The following ARSB variants were observed in gnomAD, a reference collection of about 807,000 sequenced individuals.
The protein encoded by ARSB is N-acetylgalactosamine-4-sulfatase.
ARSB carries 41 observed loss-of-function variants against 50.9 expected under a neutral mutation model. The observed-to-expected ratio is 0.81, with a 90% CI of 0.63 to 1.04. The LOEUF (loss-of-function observed/expected upper bound fraction) is 1.04, where lower values mean the gene tolerates loss of function less well. ARSB is among the 50% of genes least tolerant of loss of function. The pLI is 0.00. For synonymous variants in ARSB, 269 were observed against 284.8 expected (o/e 0.94, Z 0.56); for missense variants, 672 against 693.3 (o/e 0.97, Z 0.35).
chr5:78,944,085 G>C (rs1420212741), intron 4 of ARSB, among the ~76,000 whole-genome samples: 1 of 152,122 alleles, frequency 6.6e-6, no homozygotes, highest in Non-Finnish European at 1.5e-5. Flanking sequence ...ACTGAGTCTT[G>C]TGCATTCGTC....
intron 4 of ARSB, among the ~76,000 whole-genome samples, chr5:78,943,333 G>A (rs1043632825): frequency 6.6e-6 from 1 of 152,132 alleles, no homozygotes; most frequent in Non-Finnish European, 1.5e-5. Context: ...ATGTTAGCTG[G>A]TTATTTTGCT....
chr5:78,848,405 T>G (rs1745567843), intron 5 of ARSB, among the ~76,000 whole-genome samples: 1 of 148,850 alleles, frequency 6.7e-6, no homozygotes, highest in South Asian at 2.2e-4. Flanking sequence ...CATCATTTTT[T>G]ATGGCTGCAT....
intron 6 of ARSB, among the ~76,000 whole-genome samples, chr5:78,821,123 CTTTGT>C (rs1234911120): frequency 6.6e-5 from 10 of 152,034 alleles, no homozygotes; most frequent in Non-Finnish European, 1.0e-4. Context: ...TCATAGTGAA[CTTTGT>C]TTTGTTTTAT....
intron 5 of ARSB, among the ~76,000 whole-genome samples, chr5:78,864,528 G>A (rs1187803785): frequency 6.6e-6 from 1 of 152,136 alleles, no homozygotes; most frequent in Non-Finnish European, 1.5e-5. Context: ...GATGAGATCT[G>A]GTGGGGACAC....
chr5:78,791,245 A>C (rs1749228504), intron 6 of ARSB, among the ~76,000 whole-genome samples: 1 of 152,220 alleles, frequency 6.6e-6, no homozygotes, highest in African/African-American at 2.4e-5. Flanking sequence ...AATTCTGTCG[A>C]GTATGTTTTT....
At chr5:78,881,174 GT>G (rs142077885) in intron 5 of ARSB, among the ~76,000 whole-genome samples, 138 of 152,228 alleles carry the variant, frequency 9.1e-4, no homozygotes, top group African/African-American at 3.2e-3. Context: ...AGAGATCGCA[GT>G]GAGCCAAGAT....
At chr5:78,901,960 CAG>C (rs771989672) in intron 4 of ARSB, among the ~76,000 whole-genome samples, 3 of 152,228 alleles carry the variant, frequency 2.0e-5, no homozygotes, top group Non-Finnish European at 4.4e-5. Context: ...CTTTGAAAAA[CAG>C]TGTCTTAGTC....
At chr5:78,943,509 A>C (rs914012934) in intron 4 of ARSB, among the ~76,000 whole-genome samples, 24 of 152,054 alleles carry the variant, frequency 1.6e-4, no homozygotes, top group Non-Finnish European at 2.5e-4. Flanking sequence ...CTTGTCTGTA[A>C]AGTATTTTAT....
Position 78,885,837 on chromosome 5 carries a change from A to G in ARSB, c.899-10T>C, listed in dbSNP as rs727503810. ...GTCTGCCCTCCGTTATCTGAAACACAGTAAGGTCTTGGCATGAGGATGATG... is the reference window on the plus strand; with the variant it reads ...GTCTGCCCTCCGTTATCTGAAACACGGTAAGGTCTTGGCATGAGGATGATG... On this transcript the variant is annotated splice_polypyrimidine_tract_variant and intron_variant, in intron 4 of 7. Transcript: ENST00000264914. 4 of 1,614,238 alleles carry G rather than the reference A, an allele frequency of 2.5e-6. No homozygotes were observed. Among genetic ancestry groups the G allele is most frequent in the Non-Finnish European group, 3.4e-6 (4 of 1,180,048 alleles).
intron 1 of ARSB, among the ~76,000 whole-genome samples, chr5:78,978,155 A>G (rs1221485649): frequency 2.0e-5 from 3 of 152,174 alleles, no homozygotes; most frequent in African/African-American, 7.2e-5. Context: ...CCTGGCCAAC[A>G]TGGTGAAACC....
At chr5:78,942,275 T>C (rs375802095) in intron 4 of ARSB, among the ~76,000 whole-genome samples, 1 of 152,242 alleles carries the variant, frequency 6.6e-6, no homozygotes, top group African/African-American at 2.4e-5. Context: ...TTTGTGTCTC[T>C]ATCTCCTTCA....
chr5:78,939,281 TC>T lies in ARSB; in HGVS notation c.898+16013del, dbSNP rs909174978. On this transcript the variant is annotated intron_variant, in intron 4 of 7. Transcript: ENST00000264914. ...AGTGGTCCAAGCTCTCCTATGTATT[TC>T]TTTTTTTTTTTTTAATACTTTAAGT... Among the ~76,000 whole-genome samples, 26 of 99,908 alleles carry T rather than the reference TC, an allele frequency of 2.6e-4. 1 individual carries two copies. The South Asian group carries it at 3.0e-3, about 12-fold the overall frequency. 65.5% of individuals were successfully genotyped at this position (99,908 alleles called of 152,430 possible). A position where few individuals can be genotyped will look rare whatever the true frequency, so the allele number is the denominator to read the frequency against.
intron 5 of ARSB, among the ~76,000 whole-genome samples, chr5:78,841,167 AC>A (rs1428478286): frequency 1.0e-4 from 14 of 137,174 alleles, no homozygotes; most frequent in South Asian, 2.3e-4. Flanking sequence ...TACTACTACT[AC>A]TAATAATAAT....
intron 6 of ARSB, among the ~76,000 whole-genome samples, chr5:78,812,903 A>G (rs1197899234): frequency 2.0e-5 from 3 of 152,112 alleles, no homozygotes; most frequent in African/African-American, 7.2e-5. Flanking sequence ...ATATGGGAGG[A>G]TTGCTGGAGC....
chr5:78,927,196 C>T (rs1750094782), intron 4 of ARSB, among the ~76,000 whole-genome samples: 1 of 152,128 alleles, frequency 6.6e-6, no homozygotes, highest in African/African-American at 2.4e-5. Context: ...ATATTTTATT[C>T]AACCCAATAT....
At chr5:78,877,591 G>C (rs901499525) in intron 5 of ARSB, among the ~76,000 whole-genome samples, 4 of 152,124 alleles carry the variant, frequency 2.6e-5, no homozygotes, top group African/African-American at 9.7e-5. Flanking sequence ...GTTTCACCAT[G>C]TTGGCCAGGA....
intron 6 of ARSB, among the ~76,000 whole-genome samples, chr5:78,797,653 G>A (rs1425846295): frequency 6.6e-6 from 1 of 152,150 alleles, no homozygotes; most frequent in Non-Finnish European, 1.5e-5. Context: ...CCTTTCTGCT[G>A]CCCCCGTGAG....
chr5:78,912,756 T>A (rs1001683415), intron 4 of ARSB, among the ~76,000 whole-genome samples: 1 of 152,226 alleles, frequency 6.6e-6, no homozygotes, highest in Non-Finnish European at 1.5e-5. Context: ...CTCCCCCATG[T>A]GACCAACGCA....
At chr5:78,851,671 C>A (rs1270090151) in intron 5 of ARSB, among the ~76,000 whole-genome samples, 1 of 152,108 alleles carries the variant, frequency 6.6e-6, no homozygotes, top group African/African-American at 2.4e-5. Flanking sequence ...GTTAAAGTCT[C>A]CTATTATTAT....
Sources: allele counts gnomAD v4.1 joint callset (sites outside exome capture counted in the v4.1 genomes callset), GRCh38; gene constraint gnomAD v4.1.1; transcripts MANE v1.5; gene names NCBI Gene and HGNC (gene_info 2026-07-23, HGNC 2026-07-21).